Variants in KCNMA1 observed in about 807,000 individuals in gnomAD.
The protein encoded by KCNMA1 is Calcium-activated potassium channel subunit alpha-1.
KCNMA1 carries 29 observed loss-of-function variants against 140.0 expected under a neutral mutation model. That is an observed-to-expected ratio of 0.21 (90% CI 0.15 to 0.28). KCNMA1 has a LOEUF of 0.28. Among genes scored for constraint, KCNMA1 ranks in the 10% least tolerant of loss-of-function variants. The pLI, the probability that KCNMA1 is intolerant of heterozygous loss-of-function variation, is 1.00. For synonymous variants in KCNMA1, 612 were observed against 611.9 expected (o/e 1.00, Z 0.00); for missense variants, 880 against 1,602.2 (o/e 0.55, Z 7.70).
intron 2 of KCNMA1, among the ~76,000 whole-genome samples, chr10:77,380,097 G>A (rs1167549550): frequency 1.3e-5 from 2 of 152,154 alleles, no homozygotes; most frequent in East Asian, 3.8e-4. Context: ...CTCTCAGAGG[G>A]GGAAAAATGA....
chr10:77,142,393 GA>G (rs1256559964), intron 5 of KCNMA1, among the ~76,000 whole-genome samples: 3 of 150,072 alleles, frequency 2.0e-5, no homozygotes, highest in Non-Finnish European at 3.0e-5. Context: ...GAAAAGAAAA[GA>G]AAAAAAGAAA....
intron 3 of KCNMA1, among the ~76,000 whole-genome samples, chr10:77,200,095 C>T (rs960284849): frequency 1.1e-4 from 16 of 152,152 alleles, no homozygotes; most frequent in African/African-American, 2.7e-4. Flanking sequence ...GGACTACAGG[C>T]GCCTGCCACC....
At chr10:77,074,704 G>A (rs986183037) in intron 13 of KCNMA1, among the ~76,000 whole-genome samples, 1 of 152,138 alleles carries the variant, frequency 6.6e-6, no homozygotes, top group African/African-American at 2.4e-5. Context: ...AAACGGAGAA[G>A]GTTACCTTAA....
chr10:76,997,149 T>A (rs1195324344), intron 19 of KCNMA1, among the ~76,000 whole-genome samples: 1 of 152,218 alleles, frequency 6.6e-6, no homozygotes, highest in Non-Finnish European at 1.5e-5. Context: ...TTTTTGTTTA[T>A]TATCTGACAA....
chr10:76,870,970 C>T (rs2031193857), exon 28 of KCNMA1: 1 of 152,324 alleles, frequency 6.6e-6, no homozygotes, highest in Admixed American at 6.5e-5. Flanking sequence ...TTTCTCATTT[C>T]CCTGGTTCTG....
intron 2 of KCNMA1, among the ~76,000 whole-genome samples, chr10:77,389,133 T>C (rs536176950): frequency 1.3e-5 from 2 of 152,338 alleles, no homozygotes; most frequent in African/African-American, 4.8e-5. Flanking sequence ...CATCTAAAAG[T>C]TAACCTACAA....
intron 2 of KCNMA1, among the ~76,000 whole-genome samples, chr10:77,389,995 A>G (rs1390015084): frequency 1.3e-5 from 2 of 152,214 alleles, no homozygotes; most frequent in Admixed American, 1.3e-4. Context: ...AGAAAAGTGC[A>G]TTCTCTCTCC....
Position 77,184,280 on chromosome 10 carries a change from C to T in KCNMA1, c.696+543G>A, listed in dbSNP as rs185491999. Among the ~76,000 whole-genome samples, 76 of 152,234 alleles carry T rather than the reference C, an allele frequency of 5.0e-4. 1 individual carries two copies. Among genetic ancestry groups the T allele is most frequent in the African/African-American group, 1.6e-3 (68 of 41,546 alleles). On this transcript the variant is annotated intron_variant, in intron 4 of 27. Coordinates refer to ENST00000286628, the MANE Select transcript of KCNMA1 (RefSeq NM_001161352.2). ...TGTTGCCCAGGCTGGAGTGCAGTGGCGTGATTTCAGCTCACTGCAACCTCT... is the reference window on the plus strand; with the variant it reads ...TGTTGCCCAGGCTGGAGTGCAGTGGTGTGATTTCAGCTCACTGCAACCTCT...
intron 10 of KCNMA1, 23 bp from the exon 11 acceptor site, chr10:77,086,616 G>A (rs771221516): frequency 5.2e-6 from 8 of 1,547,702 alleles, no homozygotes; most frequent in South Asian, 3.4e-5. Flanking sequence ...AGAAGAAATC[G>A]CTATTAATTT....
At chr10:77,509,259 C>T (rs2047461603) in intron 1 of KCNMA1, among the ~76,000 whole-genome samples, 1 of 152,100 alleles carries the variant, frequency 6.6e-6, no homozygotes, top group Non-Finnish European at 1.5e-5. Context: ...GCTGGGATTA[C>T]AGGTGCACAC....
At chr10:76,989,796 C>T (rs939730242) in intron 19 of KCNMA1, among the ~76,000 whole-genome samples, 1 of 136,564 alleles carries the variant, frequency 7.3e-6, no homozygotes. Flanking sequence ...AGCTTGATGA[C>T]AGTCAGTCAT....
chr10:77,128,633 C>G (rs2097791268), intron 5 of KCNMA1, among the ~76,000 whole-genome samples: 1 of 152,022 alleles, frequency 6.6e-6, no homozygotes, highest in East Asian at 1.9e-4. Flanking sequence ...GCATTGCAAA[C>G]TTTTTCTATA....
chr10:77,003,393 CCAAA>C (rs1183487556), intron 18 of KCNMA1, among the ~76,000 whole-genome samples: 1 of 152,104 alleles, frequency 6.6e-6, no homozygotes, highest in East Asian at 1.9e-4. Flanking sequence ...CCCAGACATC[CCAAA>C]CAAACAGCAA....
chr10:77,552,786 C>A (rs868557817), intron 1 of KCNMA1, among the ~76,000 whole-genome samples: 7 of 152,184 alleles, frequency 4.6e-5, no homozygotes, highest in Non-Finnish European at 7.3e-5. Flanking sequence ...CAGTGGCTCA[C>A]GCCTGTAATC....
intron 3 of KCNMA1, among the ~76,000 whole-genome samples, chr10:77,210,219 A>T (rs1565231876): frequency 6.6e-6 from 1 of 152,192 alleles, no homozygotes; most frequent in Non-Finnish European, 1.5e-5. Flanking sequence ...ATTCACCACA[A>T]ACCAAGTAGG....
chr10:77,422,589 A>G (rs577393500), intron 1 of KCNMA1, among the ~76,000 whole-genome samples: 1 of 152,286 alleles, frequency 6.6e-6, no homozygotes, highest in East Asian at 1.9e-4. Context: ...GATTTGTTTC[A>G]ATAGTAATCC....
Position 76,961,595 on chromosome 10 carries a change from C to T in KCNMA1, c.2361-7671G>A, listed in dbSNP as rs111674750. On this transcript the variant is annotated intron_variant, in intron 20 of 27. Coordinates refer to ENST00000286628, the MANE Select transcript of KCNMA1 (RefSeq NM_001161352.2). ...TGCTATCCAACAGCATCACATGCTA[C>T]AGAGAAATCTTTTGTCAAAGGAAGA... Among the ~76,000 whole-genome samples the T allele has an allele frequency of 4.1e-3, 619 of 152,266 alleles. 5 individuals are homozygous for T. Among genetic ancestry groups the T allele is most frequent in the African/African-American group, 0.014 (596 of 41,546 alleles).
chr10:77,031,310 A>C (rs530300004), intron 15 of KCNMA1, among the ~76,000 whole-genome samples: 1 of 152,338 alleles, frequency 6.6e-6, no homozygotes, highest in African/African-American at 2.4e-5. Context: ...ATAGGGCCAC[A>C]TTGGCACCAC....
chr10:77,258,317 T>C (rs1032632875), intron 2 of KCNMA1, among the ~76,000 whole-genome samples: 3 of 152,132 alleles, frequency 2.0e-5, no homozygotes, highest in Non-Finnish European at 4.4e-5. Context: ...CCATAGACAC[T>C]CAGATTCATA....
Sources: allele counts gnomAD v4.1 joint callset (sites outside exome capture counted in the v4.1 genomes callset), GRCh38; gene constraint gnomAD v4.1.1; transcripts MANE v1.5; gene names NCBI Gene and HGNC (gene_info 2026-07-23, HGNC 2026-07-21).